The following LAMA4 variants were observed in gnomAD, a reference collection of about 807,000 sequenced individuals.
The protein encoded by LAMA4 is laminin subunit alpha 4, also known as laminin subunit alpha-4.
LAMA4 carries 127 observed loss-of-function variants against 207.1 expected under a neutral mutation model. That is an observed-to-expected ratio of 0.61 (90% CI 0.53 to 0.71). LAMA4 has a LOEUF of 0.71. Among genes scored for constraint, LAMA4 ranks in the 30% least tolerant of loss-of-function variants. The pLI, the probability that LAMA4 is intolerant of heterozygous loss-of-function variation, is 0.00. For synonymous variants in LAMA4, 761 were observed against 816.0 expected (o/e 0.93, Z 1.15); for missense variants, 2,093 against 2,246.5 (o/e 0.93, Z 1.38).
intron 31 of LAMA4, among the ~76,000 whole-genome samples, chr6:112,125,408 T>A (rs1778631317): frequency 6.6e-6 from 1 of 152,136 alleles, no homozygotes. Context: ...GGAAGTGAGG[T>A]CGTGCATCTA....
chr6:112,130,300 T>TGTGTGTGTGTG (rs59700559), intron 29 of LAMA4: 130 of 382,224 alleles, frequency 3.4e-4, no homozygotes, highest in African/African-American at 2.5e-3. Context: ...AGCATTATTT[T>TGTGTGTGTGTG]TGTGTGTGTG....
intron 12 of LAMA4, among the ~76,000 whole-genome samples, chr6:112,168,959 A>G (rs559124442): frequency 3.7e-4 from 56 of 152,326 alleles, no homozygotes; most frequent in African/African-American, 1.3e-3. Context: ...GAGCAAAGGC[A>G]ATAAGTAGAA....
Position 112,235,004 on chromosome 6 carries a change from AG to A in LAMA4, c.196-18536del, listed in dbSNP as rs111530022. Among the ~76,000 whole-genome samples, 26 of 152,342 alleles carry A rather than the reference AG, an allele frequency of 1.7e-4. 1 individual carries two copies. The highest frequency in any genetic ancestry group is 6.0e-4 in the African/African-American group (25 of 41,584). ...CAGACATCAGCTTCATCTTAAATAC[AG>A]TATTATTCTCACCATACTGAGGATC... is the stretch of plus-strand genomic sequence containing the variant. On this transcript the variant is annotated intron_variant, in intron 2 of 38. Coordinates refer to ENST00000230538, the MANE Select transcript of LAMA4 (RefSeq NM_001105206.3).
chr6:112,144,643 C>T lies in LAMA4; in HGVS notation c.2493+151G>A, dbSNP rs1040995217. ...AATTGGTTTCGTTTTCAGTGTTCCT[C>T]ACGTGTTTCTAATTAGCAAATGGGG... On this transcript the variant is annotated intron_variant, in intron 19 of 38. Coordinates refer to ENST00000230538, the MANE Select transcript of LAMA4 (RefSeq NM_001105206.3). 54 of 912,226 alleles carry T rather than the reference C, an allele frequency of 5.9e-5. No individual in the cohort carries two copies. The East Asian group carries it at 1.3e-3, about 22-fold the overall frequency. The allele number at this position is 912,226 out of a possible 1,614,324, so 56.5% of individuals were successfully genotyped here. A position where few individuals can be genotyped will look rare whatever the true frequency, so the allele number is the denominator to read the frequency against.
intron 5 of LAMA4, among the ~76,000 whole-genome samples, chr6:112,193,455 A>G (rs539377044): frequency 6.8e-6 from 1 of 146,724 alleles, no homozygotes; most frequent in African/African-American, 2.7e-5. Flanking sequence ...GATTCAGAAC[A>G]TTTGAAAAAC....
intron 4 of LAMA4, among the ~76,000 whole-genome samples, chr6:112,205,921 T>C (rs1784031414): frequency 6.6e-6 from 1 of 152,182 alleles, no homozygotes; most frequent in African/African-American, 2.4e-5. Context: ...GCAACAAGGC[T>C]TGGGGGGCTT....
intron 16 of LAMA4, 140 bp downstream of exon 16, chr6:112,154,711 A>G: frequency 1.5e-6 from 1 of 689,250 alleles, no homozygotes. Flanking sequence ...TTGTAACTTG[A>G]CTCTGAGCAG....
chr6:112,132,489 A>G (rs1779093522), intron 28 of LAMA4, among the ~76,000 whole-genome samples: 1 of 152,154 alleles, frequency 6.6e-6, no homozygotes, highest in African/African-American at 2.4e-5. Flanking sequence ...TAAAGATGTA[A>G]TCTTTTCGCA....
intron 29 of LAMA4, 23 bp downstream of exon 29, chr6:112,130,945 G>T (rs372539565): frequency 6.6e-5 from 107 of 1,610,776 alleles, no homozygotes; most frequent in Non-Finnish European, 8.6e-5. Flanking sequence ...ATGGTGGAAA[G>T]AATATGAAGT....
At chr6:112,246,560 G>A (rs1476221904) in intron 2 of LAMA4, among the ~76,000 whole-genome samples, 15 of 141,528 alleles carry the variant, frequency 1.1e-4, no homozygotes, top group East Asian at 1.0e-3. Context: ...TCGCTCTGTC[G>A]CCCAGGCTGG....
chr6:112,185,315 G>A lies in LAMA4; in HGVS notation c.999C>T (p.Ala333=). The A allele has an allele frequency of 1.9e-6, 3 of 1,612,970 alleles. No homozygotes were observed. The highest frequency in any genetic ancestry group is 2.5e-6 in the Non-Finnish European group (3 of 1,179,024). Residue 333 remains alanine, a synonymous_variant, in exon 9 of 39, where the codon GCC becomes GCT. Coordinates refer to ENST00000230538, the MANE Select transcript of LAMA4 (RefSeq NM_001105206.3). ...TKLSERENQY[A]LRKIQINNAE... ...CATTGTTGATTTGTATCTTTCTTAG[G>A]GCGTATTGGTTTTCTCTTTCTGACA...
At chr6:112,131,628 G>A (rs1779038551) in intron 28 of LAMA4, among the ~76,000 whole-genome samples, 2 of 151,992 alleles carry the variant, frequency 1.3e-5, no homozygotes, top group Non-Finnish European at 2.9e-5. Context: ...TTCCTTATAT[G>A]GGCACCAACT....
In LAMA4 at chr6:112,237,741, C is replaced by T. The variant is rs990340335; in HGVS notation, c.195+16215G>A. ...CCTTACTCTTCAAACATATGACAAA[C>T]CATCTTGACAGAACCTTGGCGATGA... On this transcript the variant is annotated intron_variant, in intron 2 of 38. Coordinates refer to ENST00000230538, the MANE Select transcript of LAMA4 (RefSeq NM_001105206.3). Among the ~76,000 whole-genome samples the T allele has an allele frequency of 1.5e-4, 23 of 152,208 alleles. 1 individual carries two copies. Among genetic ancestry groups the T allele is most frequent in the South Asian group, 6.2e-4 (3 of 4,828 alleles).
chr6:112,216,792 A>G, intron 2 of LAMA4: 1 of 357,882 alleles, frequency 2.8e-6, no homozygotes, highest in South Asian at 2.4e-5. Flanking sequence ...AAAAAATGCT[A>G]ATGTTTTCTT....
chr6:112,159,021 T>A (rs903407803), intron 13 of LAMA4, 141 bp from the exon 14 acceptor site: 9 of 652,666 alleles, frequency 1.4e-5, no homozygotes, highest in African/African-American at 1.1e-4. Flanking sequence ...TCTAAAATAC[T>A]GTAAGTATAT....
Position 112,117,812 on chromosome 6 carries a change from A to T in LAMA4, c.4908T>A (p.Ser1636Arg). The T allele has an allele frequency of 6.2e-7, 1 of 1,613,828 alleles. No homozygotes were observed. The highest frequency in any genetic ancestry group is 8.5e-7 in the Non-Finnish European group (1 of 1,179,782). Reference protein sequence around the residue: ...ASITSASQTFSVTPCFEGPME... With the variant: ...ASITSASQTFRVTPCFEGPME... The stretch of plus-strand genomic sequence containing the variant: ...TGGGGCCTTCAAAGCAAGGGGTCAC[A>T]CTGAATGTCTGAGAAGCAGAGGTGA... Residue 1636 changes from serine to arginine, a missense_variant, in exon 35 of 39, where the codon AGT becomes AGA. Transcript: ENST00000230538. This position sits in a 1 kb window ranked among gnomAD's most constrained non-coding sequence, Gnocchi z 4.5.
rs527927309 is a variant in LAMA4 at position 112,242,267 on chromosome 6, C to T, written c.195+11689G>A. Among the ~76,000 whole-genome samples, 8 of 152,268 alleles carry T rather than the reference C, an allele frequency of 5.3e-5. No individual in the cohort carries two copies. In the South Asian group the frequency reaches 1.7e-3, roughly 32 times the overall value. On this transcript the variant is annotated intron_variant, in intron 2 of 38. Transcript: ENST00000230538. ...GGAAGTGACTTTATCTTATCAGCTT[C>T]CTTTAGATGCCTCAAAGTAGCAGTT...
chr6:112,139,819 C>T lies in LAMA4; in HGVS notation c.3043G>A (p.Val1015Met), dbSNP rs730880122. Residue 1015 changes from valine (V) to methionine (M), a missense_variant, in exon 23 of 39, where the codon GTG becomes ATG. Val to Met is a conservative substitution (Grantham distance 21, BLOSUM62 1). Around this residue, in one of 3 missense-constraint regions of LAMA4, gnomAD observed 1,704 missense variants for 1,788.4 expected, o/e 0.95. Transcript: ENST00000230538. Reference sequence around the variant, plus strand: ...TGCTTAAAGTTGTACAAGCTGATCACATCATTATTCAAAGTGGCCAGTTCC... The same window carrying T: ...TGCTTAAAGTTGTACAAGCTGATCATATCATTATTCAAAGTGGCCAGTTCC... Reference protein sequence around the residue: ...CLELATLNNDVISLYNFKHIY... With the variant: ...CLELATLNNDMISLYNFKHIY... The T allele has an allele frequency of 6.2e-7, 1 of 1,614,058 alleles. No homozygotes were observed. Among genetic ancestry groups the T allele is most frequent in the South Asian group, 1.1e-5 (1 of 91,090 alleles).
intron 2 of LAMA4, chr6:112,236,446 TTAA>T (rs1283554129): frequency 6.6e-6 from 1 of 152,226 alleles, no homozygotes; most frequent in African/African-American, 2.4e-5. Flanking sequence ...TCATGAAAGC[TTAA>T]TAAGTATCAA....
Sources: gnomAD v4.1 joint callset for allele counts (sites outside exome capture counted in the v4.1 genomes callset) on GRCh38, gnomAD v4.1.1 for gene constraint, gnomAD v4.1.1 regional missense constraint, Gnocchi (gnomAD v3.1) non-coding constraint, MANE v1.5 for transcripts, NCBI Gene and HGNC (gene_info 2026-07-23, HGNC 2026-07-21) for gene names.